Variants in ZNF778 observed in about 807,000 individuals in gnomAD.
ZNF778 encodes zinc finger protein 778.
A neutral mutation model predicts 23.9 loss-of-function variants in ZNF778; 37 were observed. The ratio of observed to expected loss-of-function variants is 1.54; its 90% confidence interval spans 1.19 to 2.03. ZNF778 has a LOEUF of 2.03. ZNF778 is among the 30% of genes most tolerant of loss of function. The pLI is 0.00. For synonymous variants in ZNF778, 483 were observed against 343.9 expected (o/e 1.40, Z -4.48); for missense variants, 1,297 against 934.4 (o/e 1.39, Z -5.06).
rs1158887624 is a variant in ZNF778, at chr16:89,228,349, C to T, written c.2061C>T (p.His687=). The change falls in exon 7 of 7, where the codon CAC becomes CAT. Residue 687 remains histidine (H), a synonymous_variant. Coordinates refer to ENST00000433976, the MANE Select transcript of ZNF778 (RefSeq NM_001201407.2). ...GGAAAGCCTTCCGTGCCTCCTCTCA[C>T]CTGCATAAACATGGAAGAATTCACA... is the stretch of plus-strand genomic sequence containing the variant. ...ECGKAFRASS[H]LHKHGRIHTG... is the part of the protein sequence containing the mutation. 1 of 1,613,674 alleles carries T rather than the reference C, an allele frequency of 6.2e-7. No homozygotes were observed. Among genetic ancestry groups the T allele is most frequent in the Non-Finnish European group, 8.5e-7 (1 of 1,179,726 alleles).
At position 89,233,497 on chromosome 16, in the gene ZNF778, C is replaced by G. The variant is rs1378732658; in HGVS notation, c.*4935C>G. The G allele has an allele frequency of 9.5e-6, 12 of 1,269,526 alleles. No homozygotes were observed. Among genetic ancestry groups the G allele is most frequent in the Middle Eastern group, 2.1e-4 (1 of 4,664 alleles). The allele number at this position is 1,269,526 out of a possible 1,614,324, so 78.6% of individuals were successfully genotyped here. On this transcript the variant is annotated 3_prime_UTR_variant, in exon 7 of 7. Coordinates refer to ENST00000433976, the MANE Select transcript of ZNF778 (RefSeq NM_001201407.2). ...AACTCAACTCACACTGCGTATGCAA[C>G]TCAGCTTGCTCTGTGTATGCAACTC...
At position 89,227,569 on chromosome 16, in the gene ZNF778, G is replaced by C. The variant is rs1054869793; in HGVS notation, c.1281G>C (p.Gly427=). 1 of 1,614,032 alleles carries C rather than the reference G, an allele frequency of 6.2e-7. No individual in the cohort carries two copies. The highest frequency in any genetic ancestry group is 1.3e-5 in the African/African-American group (1 of 74,910). The change falls in exon 7 of 7, where the codon GGG becomes GGC. Residue 427 remains glycine, a synonymous_variant. Coordinates refer to ENST00000433976, the MANE Select transcript of ZNF778 (RefSeq NM_001201407.2). ...GIKPYTCSYC[G]KAFTVRCGLT... ...AACCCTATACATGCAGCTACTGTGGGAAGGCCTTCACTGTGCGCTGTGGCC... is the reference window on the plus strand; with the variant it reads ...AACCCTATACATGCAGCTACTGTGGCAAGGCCTTCACTGTGCGCTGTGGCC...
rs771274684 is a variant in ZNF778 at position 89,227,019 on chromosome 16, C to G, written c.731C>G (p.Ala244Gly). Residue 244 changes from alanine to glycine, a missense_variant, in exon 7 of 7, where the codon GCG becomes GGG. Ala to Gly is a moderately conservative substitution (Grantham distance 60). Transcript: ENST00000433976. The part of the protein sequence containing the change: ...FLNQSYLQAR[A>G]GSHNGEETWK... ...AATCAGTCATACCTTCAGGCACGTG[C>G]GGGAAGTCACAACGGAGAAGAAACA... 6.2e-7 allele frequency: 1 copy of G among 1,613,852 alleles called. No homozygotes were observed. The highest frequency in any genetic ancestry group is 1.1e-5 in the South Asian group (1 of 91,076).
intron 1 of ZNF778, among the ~76,000 whole-genome samples, chr16:89,219,636 C>T (rs2030721953): frequency 6.6e-6 from 1 of 152,260 alleles, no homozygotes; most frequent in Non-Finnish European, 1.5e-5. Flanking sequence ...TTGCCAGAGG[C>T]ATCCAGCGGC....
rs376427960 is a variant in ZNF778, at chr16:89,227,380, C to G, written c.1092C>G (p.Pro364=). The G allele has an allele frequency of 3.7e-6, 6 of 1,613,970 alleles. No homozygotes were observed. The highest frequency in any genetic ancestry group is 5.1e-6 in the Non-Finnish European group (6 of 1,179,866). ...KHVQTDPGQK[P]YECKDCGKAC... ...TCCAAACAGACCCTGGACAGAAGCC[C>G]TATGAATGTAAGGACTGTGGGAAAG... The change falls in exon 7 of 7, where the codon CCC becomes CCG. Residue 364 remains proline, a synonymous_variant. Coordinates refer to ENST00000433976, the MANE Select transcript of ZNF778 (RefSeq NM_001201407.2).
At position 89,228,415 on chromosome 16, in the gene ZNF778, A is replaced by G. The variant is rs552069103; in HGVS notation, c.2127A>G (p.Ala709=). The change falls in exon 7 of 7, where the codon GCA becomes GCG. Residue 709 remains alanine (A), a synonymous_variant. Transcript: ENST00000433976. ...ATAAATGTAAGGAATGTGGGAAAGCATACAATAGGTTTTATCTACTAAAAG... is the reference window on the plus strand; with the variant it reads ...ATAAATGTAAGGAATGTGGGAAAGCGTACAATAGGTTTTATCTACTAAAAG... ...KPYKCKECGK[A]YNRFYLLKEH... is the part of the protein sequence containing the mutation. 6.2e-7 allele frequency: 1 copy of G among 1,614,034 alleles called. No homozygotes were observed. The highest frequency in any genetic ancestry group is 1.1e-5 in the South Asian group (1 of 91,078).
Position 89,228,242 on chromosome 16 carries a change from A to T in ZNF778, c.1954A>T (p.Lys652Ter). 1 of 1,614,056 alleles carries T rather than the reference A, an allele frequency of 6.2e-7. No homozygotes were observed. The highest frequency in any genetic ancestry group is 1.1e-5 in the South Asian group (1 of 91,082). ...ACCCTACATATGTAAGGAGTGTGGGAAAGCCTTTGCTTCCTCCTCACACCT... is the reference window on the plus strand; with the variant it reads ...ACCCTACATATGTAAGGAGTGTGGGTAAGCCTTTGCTTCCTCCTCACACCT... ...EKPYICKECG[K>*]AFASSSHLIE... The change falls in exon 7 of 7, where the codon AAA becomes TAA. Residue 652 changes from lysine (K) to a stop codon, truncating the protein, a stop_gained. Transcript: ENST00000433976. LOFTEE classifies it low-confidence loss of function (END_TRUNC).
Position 89,232,548 on chromosome 16 carries a change from A to G in ZNF778, c.*3986A>G. 1 of 1,040,344 alleles carries G rather than the reference A, an allele frequency of 9.6e-7. No homozygotes were observed. The highest frequency in any genetic ancestry group is 1.7e-5 in the South Asian group (1 of 59,982). The allele number at this position is 1,040,344 out of a possible 1,614,324, so 64.4% of individuals were successfully genotyped here. On this transcript the variant is annotated 3_prime_UTR_variant, in exon 7 of 7. Coordinates refer to ENST00000433976, the MANE Select transcript of ZNF778 (RefSeq NM_001201407.2). Reference sequence around the variant, plus strand: ...GAACGTGTTCTGTGTCACTTAGGGCAACTTATGCCCTCCTGTGTGAAAATC... The same window carrying G: ...GAACGTGTTCTGTGTCACTTAGGGCGACTTATGCCCTCCTGTGTGAAAATC...
At position 89,224,737 on chromosome 16, in the gene ZNF778, C is replaced by T. The variant is rs1400461102; in HGVS notation, c.263C>T (p.Pro88Leu). 2.6e-6 allele frequency: 4 copies of T among 1,535,370 alleles called. No homozygotes were observed. In the East Asian group the frequency reaches 9.8e-5, roughly 38 times the overall value. The stretch of plus-strand genomic sequence containing the variant: ...TGTACAGGACATCACCTGTTCCAAC[C>T]CAGTGTGATCTATTGGCTGGAGCAG... ...LASVGHHLFQ[P>L]SVIYWLEQEE... Residue 88 changes from proline (P) to leucine (L), a missense_variant, in exon 5 of 7, where the codon CCC becomes CTC. Transcript: ENST00000433976.
Position 89,225,573 on chromosome 16 carries a change from A to C in ZNF778, c.347A>C (p.Lys116Thr). The C allele has an allele frequency of 6.2e-7, 1 of 1,612,442 alleles. No homozygotes were observed. Among genetic ancestry groups the C allele is most frequent in the Non-Finnish European group, 8.5e-7 (1 of 1,178,992 alleles). Residue 116 changes from lysine (K) to threonine (T), a missense_variant, in exon 6 of 7, where the codon AAA becomes ACA. By Grantham distance (78) the Lys-to-Thr change is moderately conservative. Coordinates refer to ENST00000433976, the MANE Select transcript of ZNF778 (RefSeq NM_001201407.2). The stretch of plus-strand genomic sequence containing the variant: ...TTTTCAGAATGGCGACTTAAAACCA[A>C]AGGGCCAGCACTTCGGCAGGATAGA... ...AVLQEWRLKT[K>T]GPALRQDRSW...
In ZNF778 at chr16:89,229,745, CTGGT is replaced by C. The variant is rs1056392679; in HGVS notation, c.*1189_*1192del. 3.1e-6 allele frequency: 3 copies of C among 982,842 alleles called. No homozygotes were observed. The highest frequency in any genetic ancestry group is 6.2e-5 in the Admixed American group (1 of 16,020). The allele number at this position is 982,842 out of a possible 1,614,324, so 60.9% of individuals were successfully genotyped here. Reference sequence around the variant, plus strand: ...TGATCCTGTGTGAGCAGCGTAGGCTCTGGTTGGTTAGTCTTGAGGATCCAGATGT... The same window carrying C: ...TGATCCTGTGTGAGCAGCGTAGGCTCTGGTTAGTCTTGAGGATCCAGATGT... On this transcript the variant is annotated 3_prime_UTR_variant, in exon 7 of 7. Transcript: ENST00000433976.
At chr16:89,221,212 T>G in intron 2 of ZNF778, 60 bp downstream of exon 2, 1 of 1,534,066 alleles carries the variant, frequency 6.5e-7, no homozygotes, top group East Asian at 2.5e-5. Context: ...ACACAGTGTG[T>G]GTATCAGGCC....
In ZNF778 at chr16:89,229,154, C is replaced by T. The variant is rs547623688; in HGVS notation, c.*592C>T. 66 of 986,002 alleles carry T rather than the reference C, an allele frequency of 6.7e-5. No individual in the cohort carries two copies. The highest frequency in any genetic ancestry group is 7.2e-5 in the Non-Finnish European group (60 of 830,388). The allele number at this position is 986,002 out of a possible 1,614,324, so 61.1% of individuals were successfully genotyped here. A position where few individuals can be genotyped will look rare whatever the true frequency, so the allele number is the denominator to read the frequency against. On this transcript the variant is annotated 3_prime_UTR_variant, in exon 7 of 7. Coordinates refer to ENST00000433976, the MANE Select transcript of ZNF778 (RefSeq NM_001201407.2). ...AGTCTGGTTGCTACAGTGTCCACGT[C>T]GCAGCCTGGCTAACAGTAGGCCTTG...
At position 89,221,583 on chromosome 16, in the gene ZNF778, C is replaced by CTG. The variant is rs35503385; in HGVS notation, c.25+459_25+460dup. ...TGTGTTTTCCTGAGGCACTGTATGGCTGTGTGTGTGTGTGTGTGTGTGTGT... is the reference window on the plus strand; with the variant it reads ...TGTGTTTTCCTGAGGCACTGTATGGCTGTGTGTGTGTGTGTGTGTGTGTGTGT... On this transcript the variant is annotated intron_variant, in intron 2 of 6. Transcript: ENST00000433976. Among the ~76,000 whole-genome samples the CTG allele has an allele frequency of 8.1e-3, 1,143 of 141,504 alleles. 18 individuals carry two copies. Among genetic ancestry groups the CTG allele is most frequent in the African/African-American group, 0.027 (1,018 of 37,724 alleles). The allele number at this position is 141,504 out of a possible 152,430, so 92.8% of individuals were successfully genotyped here.
chr16:89,222,223 G>A (rs750704821), intron 3 of ZNF778, 40 bp downstream of exon 3: 1 of 1,470,990 alleles, frequency 6.8e-7, no homozygotes, highest in East Asian at 2.3e-5. Context: ...TAACATACTG[G>A]TATTCAGCAG....
At position 89,220,483 on chromosome 16, in the gene ZNF778, C is replaced by A. The variant is rs574390966; in HGVS notation, c.-131-514C>A. On this transcript the variant is annotated intron_variant, in intron 1 of 6. Coordinates refer to ENST00000433976, the MANE Select transcript of ZNF778 (RefSeq NM_001201407.2). Reference sequence around the variant, plus strand: ...CCATCCTGGCTAACATGGTGAAACCCCACCTCTACTAAAAATACAAAAAAA... The same window carrying A: ...CCATCCTGGCTAACATGGTGAAACCACACCTCTACTAAAAATACAAAAAAA... Among the ~76,000 whole-genome samples, 29 of 152,236 alleles carry A rather than the reference C, an allele frequency of 1.9e-4. No homozygotes were observed. In the South Asian group the frequency reaches 4.6e-3, roughly 24 times the overall value.
chr16:89,219,434 G>A (rs1183426702), intron 1 of ZNF778, among the ~76,000 whole-genome samples: 2 of 152,196 alleles, frequency 1.3e-5, no homozygotes, highest in Non-Finnish European at 2.9e-5. Context: ...TTGGGTCCAC[G>A]AGGTCTCAGA....
Position 89,226,725 on chromosome 16 carries a change from A to C in ZNF778, c.437A>C (p.Asp146Ala), listed in dbSNP as rs1250381440. The C allele has an allele frequency of 1.9e-6, 3 of 1,613,176 alleles. No homozygotes were observed. The highest frequency in any genetic ancestry group is 2.2e-5 in the East Asian group (1 of 44,874). The part of the protein sequence containing the change: ...ARSHNGGQLC[D>A]RTQCGEAFSE... ...AGCCACAATGGAGGGCAGCTCTGTG[A>C]CCGCACGCAGTGTGGAGAAGCTTTC... The change falls in exon 7 of 7, where the codon GAC becomes GCC. Residue 146 changes from aspartate to alanine, a missense_variant. Coordinates refer to ENST00000433976, the MANE Select transcript of ZNF778 (RefSeq NM_001201407.2).
chr16:89,227,289 A>G lies in ZNF778; in HGVS notation c.1001A>G (p.Glu334Gly). Residue 334 changes from glutamate (E) to glycine (G), a missense_variant, in exon 7 of 7, where the codon GAG becomes GGG. Glu to Gly is a moderately conservative substitution (Grantham distance 98). Coordinates refer to ENST00000433976, the MANE Select transcript of ZNF778 (RefSeq NM_001201407.2). Reference sequence around the variant, plus strand: ...CAACATGTAAGAATTCATGCTGCAGAGAAACCCTGTGAATGTAAAGAATGC... The same window carrying G: ...CAACATGTAAGAATTCATGCTGCAGGGAAACCCTGTGAATGTAAAGAATGC... The part of the protein sequence containing the change: ...LTQHVRIHAA[E>G]KPCECKECGK... The G allele has an allele frequency of 1.2e-6, 2 of 1,613,960 alleles. No homozygotes were observed. The highest frequency in any genetic ancestry group is 1.7e-6 in the Non-Finnish European group (2 of 1,179,826).
Sources: allele counts gnomAD v4.1 joint callset (sites outside exome capture counted in the v4.1 genomes callset), GRCh38; gene constraint gnomAD v4.1.1; transcripts MANE v1.5; gene names NCBI Gene and HGNC (gene_info 2026-07-23, HGNC 2026-07-21).